DRC3: variants seen among roughly 807,000 people sequenced by gnomAD.
The protein encoded by DRC3 is leucine rich repeat containing 48.
Under a neutral mutation model 57.6 loss-of-function variants are expected in DRC3, and 45 were observed. The ratio of observed to expected loss-of-function variants is 0.78; its 90% confidence interval spans 0.62 to 1.00. The LOEUF is 1.00. Ranked by LOEUF, DRC3 falls within the 50% of genes least tolerant of loss-of-function variation. DRC3 has a pLI of 0.00. For missense variants in DRC3, 655 were observed against 675.2 expected (o/e 0.97, Z 0.33); for synonymous variants, 257 against 272.3 (o/e 0.94, Z 0.55).
At position 18,016,689 on chromosome 17, in the gene DRC3, G is replaced by A. The variant is rs1201683701; in HGVS notation, c.*18G>A. On this transcript the variant is annotated 3_prime_UTR_variant, in exon 14 of 14. Transcript: ENST00000399187. ...TAGACTAGATGAATGTCAGCCACAG[G>A]AGCTTCTTCAAAACATAGCACCAGC... 1 of 1,547,022 alleles carries A rather than the reference G, an allele frequency of 6.5e-7. No homozygotes were observed. The highest frequency in any genetic ancestry group is 1.7e-5 in the Admixed American group (1 of 59,588).
chr17:18,006,152 G>C (rs182937891), intron 10 of DRC3, 31 bp from the exon 11 acceptor site: 2 of 1,517,126 alleles, frequency 1.3e-6, no homozygotes, highest in Middle Eastern at 1.7e-4. Context: ...ATCTAAATAT[G>C]CATGTTAACT....
At chr17:17,994,036 C>T (rs949429761) in intron 6 of DRC3, 20 of 400,502 alleles carry the variant, frequency 5.0e-5, no homozygotes, top group Middle Eastern at 8.0e-4. Context: ...GAGATGGCCC[C>T]GGGAACCCCA....
Position 17,977,739 on chromosome 17 carries a change from C to T in DRC3, c.141C>T (p.Ser47=), listed in dbSNP as rs1030815953. ...QEGILFKDVL[S]LQLDFRNILR... is the part of the protein sequence containing the mutation. The stretch of plus-strand genomic sequence containing the variant: ...GCATCCTCTTCAAGGATGTCCTGTC[C>T]CTGCAGCTGGACTTTCGGAGTATGT... The change falls in exon 3 of 14, where the codon TCC becomes TCT. Residue 47 remains serine, a synonymous_variant. Transcript: ENST00000399187. The T allele has an allele frequency of 1.9e-6, 3 of 1,607,712 alleles. No individual in the cohort carries two copies. The highest frequency in any genetic ancestry group is 1.3e-5 in the African/African-American group (1 of 74,766).
At chr17:17,985,233 A>T (rs775539856) in intron 4 of DRC3, among the ~76,000 whole-genome samples, 1 of 152,146 alleles carries the variant, frequency 6.6e-6, no homozygotes, top group Non-Finnish European at 1.5e-5. Context: ...ACAGAAGCTT[A>T]TTTTCCTACT....
At position 18,008,025 on chromosome 17, in the gene DRC3, T is replaced by C. The variant is rs2044043115; in HGVS notation, c.1326+878T>C. On this transcript the variant is annotated intron_variant, in intron 12 of 13. Transcript: ENST00000399187. This position sits in a 1 kb window ranked among gnomAD's most constrained non-coding sequence, Gnocchi z 4.3. ...ACCTTCTAGTGGCTTTCATGACCCC[T>C]AGCGTCAGCTCCTCCCCATAGTCCC... The C allele has an allele frequency of 1.1e-5, 2 of 190,092 alleles. No homozygotes were observed. The highest frequency in any genetic ancestry group is 1.9e-5 in the Non-Finnish European group (2 of 102,800). 11.8% of individuals were successfully genotyped at this position (190,092 alleles called of 1,614,324 possible).
rs5819640 is a variant in DRC3, at chr17:18,016,873, TAA to T, written c.*217_*218del. On this transcript the variant is annotated 3_prime_UTR_variant, in exon 14 of 14. Transcript: ENST00000399187. ...ACTCATTTCACATTTCCCCTACTCA[TAA>T]AAAAAAAAAAAAAATCAGCTGGGTG... 0.37 allele frequency: 109,722 copies of T among 300,072 alleles called. 14,885 individuals carry two copies. The highest frequency in any genetic ancestry group is 0.61 in the East Asian group (10,555 of 17,300). 18.6% of individuals were successfully genotyped at this position (300,072 alleles called of 1,614,324 possible).
chr17:17,998,719 G>C (rs1255607998), intron 9 of DRC3, among the ~76,000 whole-genome samples: 1 of 152,098 alleles, frequency 6.6e-6, no homozygotes, highest in Non-Finnish European at 1.5e-5. Context: ...TTAACCTCCA[G>C]GGCCTCACAT....
intron 12 of DRC3, among the ~76,000 whole-genome samples, chr17:18,009,791 T>C (rs914900010): frequency 2.6e-5 from 4 of 152,198 alleles, no homozygotes; most frequent in Non-Finnish European, 5.9e-5. Flanking sequence ...CTGATGAGGT[T>C]ATCTCTAAAA....
chr17:18,012,180 G>C (rs2044193050), intron 12 of DRC3, among the ~76,000 whole-genome samples: 1 of 152,154 alleles, frequency 6.6e-6, no homozygotes, highest in African/African-American at 2.4e-5. Flanking sequence ...CAATGAAACA[G>C]AATAGAGAAC....
intron 12 of DRC3, chr17:18,007,737 C>T (rs1169702243): frequency 1.7e-6 from 2 of 1,197,368 alleles, no homozygotes; most frequent in African/African-American, 3.1e-5. Context: ...GTGTGGGCAT[C>T]AAGGGCCCAG....
At chr17:18,001,604 A>G (rs1011069243) in intron 9 of DRC3, among the ~76,000 whole-genome samples, 5 of 152,100 alleles carry the variant, frequency 3.3e-5, no homozygotes, top group Middle Eastern at 3.2e-3. Context: ...TTATCTTGCA[A>G]TGTTGTCTGT....
chr17:17,992,141 G>A (rs1408020277), intron 5 of DRC3, among the ~76,000 whole-genome samples: 1 of 152,100 alleles, frequency 6.6e-6, no homozygotes, highest in Non-Finnish European at 1.5e-5. Context: ...CAGGTGTGGT[G>A]GTGCAGGCCT....
At chr17:17,994,970 G>T in intron 7 of DRC3, 29 bp from the exon 8 acceptor site, 1 of 1,566,684 alleles carries the variant, frequency 6.4e-7, no homozygotes, top group Non-Finnish European at 8.8e-7. Flanking sequence ...GACAGGAGCC[G>T]TCCTACCTAC....
chr17:18,007,325 C>G, intron 12 of DRC3, 178 bp downstream of exon 12: 1 of 1,436,046 alleles, frequency 7.0e-7, no homozygotes, highest in Non-Finnish European at 9.6e-7. Context: ...TAACAAAGCA[C>G]CTGGTGGGGC....
intron 9 of DRC3, among the ~76,000 whole-genome samples, chr17:18,002,483 C>T (rs2043776346): frequency 6.6e-6 from 1 of 152,210 alleles, no homozygotes; most frequent in Non-Finnish European, 1.5e-5. Flanking sequence ...GCCATATACC[C>T]TCTGAGCACC....
chr17:17,984,254 A>G (rs2042852157), intron 4 of DRC3, among the ~76,000 whole-genome samples: 1 of 152,066 alleles, frequency 6.6e-6, no homozygotes, highest in Non-Finnish European at 1.5e-5. Context: ...TTTAATCTAG[A>G]CTCAGGCTGA....
intron 10 of DRC3, 41 bp from the exon 11 acceptor site, chr17:18,006,142 A>G (rs769392950): frequency 1.0e-5 from 15 of 1,468,338 alleles, no homozygotes; most frequent in Non-Finnish European, 1.3e-5. Context: ...TGTGCTGGAC[A>G]TCTAAATATG....
At position 18,002,848 on chromosome 17, in the gene DRC3, T is replaced by A. The variant is rs77714836; in HGVS notation, c.1000-1515T>A. ...TCAGGTTCACCTAACTCTGAAGTTGTAAGGCAGGTAAATTTTTTCCTCTAG... is the reference window on the plus strand; with the variant it reads ...TCAGGTTCACCTAACTCTGAAGTTGAAAGGCAGGTAAATTTTTTCCTCTAG... On this transcript the variant is annotated intron_variant, in intron 9 of 13. Coordinates refer to ENST00000399187, the MANE Select transcript of DRC3 (RefSeq NM_031294.4). Among the ~76,000 whole-genome samples, 691 of 152,288 alleles carry A rather than the reference T, an allele frequency of 4.5e-3. 6 individuals carry two copies. The highest frequency in any genetic ancestry group is 0.016 in the African/African-American group (668 of 41,572).
chr17:17,980,254 G>T (rs1038553313), intron 3 of DRC3, among the ~76,000 whole-genome samples: 65 of 147,972 alleles, frequency 4.4e-4, no homozygotes, highest in East Asian at 1.4e-3. Flanking sequence ...TTTTTTTTTT[G>T]TTTGTTTGTT....
Sources: allele counts gnomAD v4.1 joint callset (sites outside exome capture counted in the v4.1 genomes callset), GRCh38; gene constraint gnomAD v4.1.1; non-coding constraint Gnocchi (gnomAD v3.1); transcripts MANE v1.5; gene names NCBI Gene and HGNC (gene_info 2026-07-23, HGNC 2026-07-21).